B3GALT1: variants seen among roughly 807,000 people sequenced by gnomAD.
B3GALT1 encodes the protein beta-1,3-galactosyltransferase 1.
In B3GALT1, 10 loss-of-function variants were observed where a neutral mutation model predicts 23.2. That is an observed-to-expected ratio of 0.43 (90% CI 0.27 to 0.73). B3GALT1 has a LOEUF of 0.73. B3GALT1 is among the 30% of genes least tolerant of loss of function. The pLI is 0.21. For synonymous variants in B3GALT1, 156 were observed against 141.5 expected (o/e 1.10, Z -0.73); for missense variants, 299 against 405.4 (o/e 0.74, Z 2.25).
At position 167,483,162 on chromosome 2, in the gene B3GALT1, G is replaced by A. The variant is rs915611203; in HGVS notation, c.-510-7015G>A. Among the ~76,000 whole-genome samples, 9 of 151,298 alleles carry A rather than the reference G, an allele frequency of 5.9e-5. No individual in the cohort carries two copies. In the South Asian group the frequency reaches 8.4e-4, roughly 14 times the overall value. On this transcript the variant is annotated intron_variant, in intron 1 of 4. Coordinates refer to ENST00000392690, the MANE Select transcript of B3GALT1 (RefSeq NM_020981.4). ...TACAAAATTAGCTGGGCGTGGTGACGCATGCCTGTAATCCCAGCTACTCGG... is the reference window on the plus strand; with the variant it reads ...TACAAAATTAGCTGGGCGTGGTGACACATGCCTGTAATCCCAGCTACTCGG...
At chr2:167,313,740 A>G (rs1013951979) in intron 1 of B3GALT1, among the ~76,000 whole-genome samples, 1 of 152,162 alleles carries the variant, frequency 6.6e-6, no homozygotes, top group Non-Finnish European at 1.5e-5. Context: ...TAGGTTCTCC[A>G]TCACTGTGAT....
At chr2:167,767,581 A>G (rs866161966) in intron 3 of B3GALT1, among the ~76,000 whole-genome samples, 1 of 152,222 alleles carries the variant, frequency 6.6e-6, no homozygotes, top group African/African-American at 2.4e-5. Context: ...GCAAAAAAAT[A>G]TGAAATTCCT....
chr2:167,389,322 A>G (rs1697979340), intron 1 of B3GALT1, among the ~76,000 whole-genome samples: 1 of 152,224 alleles, frequency 6.6e-6, no homozygotes, highest in Non-Finnish European at 1.5e-5. Context: ...CATTCAGTAG[A>G]AAGCAAAGAA....
intron 4 of B3GALT1, among the ~76,000 whole-genome samples, chr2:167,856,173 CTACT>C (rs1689996627): frequency 6.6e-6 from 1 of 152,074 alleles, no homozygotes; most frequent in Non-Finnish European, 1.5e-5. Context: ...TCCTATATGC[CTACT>C]AAGTTTGTCT....
At chr2:167,665,954 C>A (rs557969409) in intron 3 of B3GALT1, among the ~76,000 whole-genome samples, 11 of 152,206 alleles carry the variant, frequency 7.2e-5, no homozygotes, top group Admixed American at 2.6e-4. Context: ...TTTTGTGTCT[C>A]TATTTCCTTC....
chr2:167,368,431 A>G (rs1697625941), intron 1 of B3GALT1, among the ~76,000 whole-genome samples: 1 of 152,052 alleles, frequency 6.6e-6, no homozygotes, highest in Non-Finnish European at 1.5e-5. Flanking sequence ...ATTGCCTCCA[A>G]CTCATGGTTT....
chr2:167,428,831 G>T (rs1189841425), intron 1 of B3GALT1, among the ~76,000 whole-genome samples: 2 of 152,026 alleles, frequency 1.3e-5, no homozygotes, highest in African/African-American at 4.8e-5. Context: ...TAATACTAAA[G>T]GACTGTTGAG....
intron 2 of B3GALT1, among the ~76,000 whole-genome samples, chr2:167,579,432 C>CTTTTTTTTTTTTTTTTTT (rs71395297): frequency 2.8e-5 from 3 of 109,044 alleles, no homozygotes; most frequent in African/African-American, 3.8e-5. Flanking sequence ...TTTTTTTTGT[C>CTTTTTTTTTTTTTTTTTT]TTTTTTTTTT....
chr2:167,530,030 T>C (rs886531537), intron 2 of B3GALT1, among the ~76,000 whole-genome samples: 11 of 152,192 alleles, frequency 7.2e-5, no homozygotes, highest in Non-Finnish European at 1.5e-4. Context: ...GTCTAGCTCC[T>C]GTTTACTTCT....
At chr2:167,829,151 C>A (rs1289387307) in intron 4 of B3GALT1, among the ~76,000 whole-genome samples, 1 of 152,160 alleles carries the variant, frequency 6.6e-6, no homozygotes, top group African/African-American at 2.4e-5. Context: ...ATGTCCTACT[C>A]ACTATATCAG....
At chr2:167,486,812 G>T (rs1033511701) in intron 1 of B3GALT1, among the ~76,000 whole-genome samples, 2 of 151,870 alleles carry the variant, frequency 1.3e-5, no homozygotes, top group Admixed American at 6.6e-5. Flanking sequence ...CCAAAAGAAA[G>T]AATAGAAAGC....
chr2:167,677,943 C>G (rs1686455590), intron 3 of B3GALT1, among the ~76,000 whole-genome samples: 1 of 152,124 alleles, frequency 6.6e-6, no homozygotes, highest in African/African-American at 2.4e-5. Flanking sequence ...GAGAACGCAT[C>G]CACTATCATG....
chr2:167,409,458 C>T (rs1256790263), intron 1 of B3GALT1, among the ~76,000 whole-genome samples: 1 of 151,976 alleles, frequency 6.6e-6, no homozygotes, highest in African/African-American at 2.4e-5. Flanking sequence ...CATTTTCATT[C>T]TTGTTTCTCT....
intron 3 of B3GALT1, among the ~76,000 whole-genome samples, chr2:167,666,551 G>A (rs1445779859): frequency 1.3e-5 from 2 of 151,472 alleles, no homozygotes; most frequent in Non-Finnish European, 2.9e-5. Flanking sequence ...ACAGTGGGGT[G>A]TTAAAGTCTC....
At chr2:167,303,125 T>C (rs926757258) in intron 1 of B3GALT1, among the ~76,000 whole-genome samples, 18 of 152,210 alleles carry the variant, frequency 1.2e-4, no homozygotes, top group African/African-American at 3.9e-4. Context: ...TGATCATTGG[T>C]TGCCTTGTAG....
chr2:167,402,211 ATGTT>A (rs1698203258), intron 1 of B3GALT1, among the ~76,000 whole-genome samples: 1 of 152,138 alleles, frequency 6.6e-6, no homozygotes, highest in Admixed American at 6.6e-5. Context: ...ATAAAGGACA[ATGTT>A]TGATTTTGAT....
At chr2:167,373,835 A>G (rs543259293) in intron 1 of B3GALT1, among the ~76,000 whole-genome samples, 12 of 152,284 alleles carry the variant, frequency 7.9e-5, no homozygotes, top group Non-Finnish European at 1.3e-4. Context: ...CTGGGATTAC[A>G]GGTGTGAGCC....
chr2:167,566,936 C>G (rs1006575173), intron 2 of B3GALT1, among the ~76,000 whole-genome samples: 24 of 152,126 alleles, frequency 1.6e-4, no homozygotes, highest in African/African-American at 5.8e-4. Flanking sequence ...CTGAATCCCC[C>G]GGGTATTTAT....
At chr2:167,363,867 A>G (rs1485895398) in intron 1 of B3GALT1, among the ~76,000 whole-genome samples, 4 of 152,014 alleles carry the variant, frequency 2.6e-5, no homozygotes, top group Non-Finnish European at 5.9e-5. Context: ...TGCTATGAAA[A>G]CTGGTAACAG....
Sources: allele counts gnomAD v4.1 joint callset (sites outside exome capture counted in the v4.1 genomes callset), GRCh38; gene constraint gnomAD v4.1.1; transcripts MANE v1.5; gene names NCBI Gene and HGNC (gene_info 2026-07-23, HGNC 2026-07-21).